FHIT: variants seen among roughly 807,000 people sequenced by gnomAD.
FHIT encodes the protein bis(5'-adenosyl)-triphosphatase.
In FHIT, 19 loss-of-function variants were observed where a neutral mutation model predicts 17.9. The ratio of observed to expected loss-of-function variants is 1.06; its 90% CI spans 0.74 to 1.56. The LOEUF is 1.56. Among genes scored for constraint, FHIT ranks in the 40% most tolerant of loss-of-function variants. The pLI, the probability that FHIT is intolerant of heterozygous loss-of-function variation, is 0.00. For synonymous variants in FHIT, 81 were observed against 69.7 expected, an observed-to-expected ratio of 1.16 and a Z score of -0.81; for missense variants, 248 against 189.2, an observed-to-expected ratio of 1.31 and a Z score of -1.82.
rs1269748894 is a variant in FHIT at position 60,702,249 on chromosome 3, C to T, written c.-18+119670G>A. Among the ~76,000 whole-genome samples the T allele has an allele frequency of 8.5e-5, 13 of 152,196 alleles. No homozygotes were observed. The South Asian group carries it at 2.5e-3, about 29-fold the overall frequency. ...TTTCATTTATAAAATGTTCTCGTGG[C>T]TAACAACATACCATTTTAATAACAG... On this transcript the variant is annotated intron_variant, in intron 4 of 9. Transcript: ENST00000492590.
Position 60,459,950 on chromosome 3 carries a change from A to C in FHIT, c.103+76910T>G, listed in dbSNP as rs189970180. ...TCTCTTAAAAAGGCTATGTACATGTATATGCCCACCAGACAAGATGTCCTT... is the reference window on the plus strand; with the variant it reads ...TCTCTTAAAAAGGCTATGTACATGTCTATGCCCACCAGACAAGATGTCCTT... On this transcript the variant is annotated intron_variant, in intron 5 of 9. Transcript: ENST00000492590. 4.3e-4 allele frequency among the ~76,000 whole-genome samples: 66 copies of C among 152,282 alleles called. No homozygotes were observed. In the Middle Eastern group the frequency reaches 0.01, roughly 24 times the overall value.
At chr3:59,806,964 A>C (rs552610320) in intron 8 of FHIT, among the ~76,000 whole-genome samples, 110 of 152,276 alleles carry the variant, frequency 7.2e-4, no homozygotes, top group Non-Finnish European at 1.3e-3. Context: ...GAAACAGAAC[A>C]GTGATAAACA....
chr3:60,650,660 A>G (rs782661916), intron 4 of FHIT, among the ~76,000 whole-genome samples: 1 of 152,224 alleles, frequency 6.6e-6, no homozygotes, highest in Non-Finnish European at 1.5e-5. Flanking sequence ...AAAACACTAC[A>G]TATACTACTT....
chr3:60,478,621 A>T (rs2033461217), intron 5 of FHIT, among the ~76,000 whole-genome samples: 1 of 152,154 alleles, frequency 6.6e-6, no homozygotes, highest in South Asian at 2.1e-4. Context: ...CAGGGTAAGG[A>T]TGCCACTAAA....
intron 7 of FHIT, among the ~76,000 whole-genome samples, chr3:59,972,321 T>C (rs1223742636): frequency 5.9e-5 from 9 of 152,090 alleles, no homozygotes; most frequent in Non-Finnish European, 1.2e-4. Context: ...AAGAATATTA[T>C]TGCCAGCAAC....
chr3:59,758,731 T>G (rs374608548), intron 8 of FHIT, among the ~76,000 whole-genome samples: 1 of 152,152 alleles, frequency 6.6e-6, no homozygotes, highest in African/African-American at 2.4e-5. Context: ...CCTTTTAAAG[T>G]AAATTTAAGT....
chr3:60,115,289 T>C (rs1225332007), intron 5 of FHIT, among the ~76,000 whole-genome samples: 1 of 152,146 alleles, frequency 6.6e-6, no homozygotes, highest in Admixed American at 6.5e-5. Context: ...AGCTAACATC[T>C]TCAGACAGAG....
chr3:60,848,472 AC>A (rs1399821575), intron 3 of FHIT, among the ~76,000 whole-genome samples: 1 of 152,144 alleles, frequency 6.6e-6, no homozygotes, highest in Admixed American at 6.5e-5. Flanking sequence ...CATTCTTTCA[AC>A]CCATGCCCAA....
chr3:61,118,221 C>T (rs1403278749), intron 2 of FHIT, among the ~76,000 whole-genome samples: 1 of 152,174 alleles, frequency 6.6e-6, no homozygotes, highest in African/African-American at 2.4e-5. Flanking sequence ...CGCTGAAAGG[C>T]CTATCTTCAC....
intron 3 of FHIT, among the ~76,000 whole-genome samples, chr3:60,873,719 C>T (rs782545347): frequency 4.6e-5 from 7 of 152,186 alleles, no homozygotes. Flanking sequence ...TTTGAAGGAA[C>T]AAGCACTGTT....
intron 5 of FHIT, among the ~76,000 whole-genome samples, chr3:60,054,992 C>T (rs113669905): frequency 0.015 from 2,305 of 152,114 alleles, 28 homozygotes; most frequent in Non-Finnish European, 0.022. Flanking sequence ...GTGTGGGTTG[C>T]GTGTTTGTCT....
At chr3:60,662,262 T>C (rs1255860260) in intron 4 of FHIT, among the ~76,000 whole-genome samples, 1 of 152,190 alleles carries the variant, frequency 6.6e-6, no homozygotes, top group Non-Finnish European at 1.5e-5. Flanking sequence ...ACATGTGGCT[T>C]GCCAGTTATC....
intron 5 of FHIT, among the ~76,000 whole-genome samples, chr3:60,383,779 T>C (rs1481139416): frequency 1.3e-5 from 2 of 152,212 alleles, no homozygotes; most frequent in African/African-American, 4.8e-5. Context: ...GGCTATTTTG[T>C]TATTTGTTTC....
intron 5 of FHIT, among the ~76,000 whole-genome samples, chr3:60,068,860 G>A (rs1194577693): frequency 6.6e-6 from 1 of 152,156 alleles, no homozygotes; most frequent in African/African-American, 2.4e-5. Context: ...AAGAATCTAT[G>A]CTAAATGATT....
intron 2 of FHIT, among the ~76,000 whole-genome samples, chr3:61,056,536 C>A (rs539714713): frequency 5.5e-4 from 84 of 152,226 alleles, no homozygotes; most frequent in African/African-American, 1.9e-3. Flanking sequence ...AGAGTGCTAC[C>A]CCAGACAAGG....
intron 4 of FHIT, among the ~76,000 whole-genome samples, chr3:60,683,511 T>A (rs557790237): frequency 5.0e-5 from 6 of 119,176 alleles, no homozygotes; most frequent in Non-Finnish European, 7.3e-5. Context: ...GCAAAAAAAA[T>A]TTTTAAATTA....
At chr3:60,143,449 G>A (rs934055899) in intron 5 of FHIT, among the ~76,000 whole-genome samples, 1 of 152,124 alleles carries the variant, frequency 6.6e-6, no homozygotes, top group Non-Finnish European at 1.5e-5. Context: ...GACATAGTTG[G>A]TGTGGTTGCT....
At chr3:60,027,573 G>T (rs2106766248) in intron 5 of FHIT, among the ~76,000 whole-genome samples, 2 of 152,020 alleles carry the variant, frequency 1.3e-5, no homozygotes, top group Middle Eastern at 6.8e-3. Context: ...CTGATTAAAT[G>T]CTCCTCCGCG....
At chr3:60,506,280 G>A (rs538351604) in intron 5 of FHIT, among the ~76,000 whole-genome samples, 1 of 152,158 alleles carries the variant, frequency 6.6e-6, no homozygotes, top group Non-Finnish European at 1.5e-5. Context: ...GGTGGGAAGG[G>A]ATGGATGTAT....
Sources: allele counts gnomAD v4.1 joint callset (sites outside exome capture counted in the v4.1 genomes callset), GRCh38; gene constraint gnomAD v4.1.1; transcripts MANE v1.5; gene names NCBI Gene and HGNC (gene_info 2026-07-23, HGNC 2026-07-21).